Variants in SPAG7 observed in about 807,000 individuals in gnomAD.
SPAG7 encodes sperm associated antigen 7.
A neutral mutation model predicts 30.6 loss-of-function variants in SPAG7; 20 were observed. That is an observed-to-expected ratio of 0.65 (90% CI 0.46 to 0.95). The LOEUF is 0.95. Ranked by LOEUF, SPAG7 falls within the 40% of genes least tolerant of loss-of-function variation. The pLI is 0.00. For missense variants in SPAG7, 276 were observed against 291.1 expected (o/e 0.95, Z 0.38); for synonymous variants, 127 against 104.2 (o/e 1.22, Z -1.33).
Position 4,959,500 on chromosome 17 carries a change from T to C in SPAG7, c.*34A>G. 2 of 1,562,894 alleles carry C rather than the reference T, an allele frequency of 1.3e-6. No individual in the cohort carries two copies. Among genetic ancestry groups the C allele is most frequent in the Non-Finnish European group, 1.8e-6 (2 of 1,138,798 alleles). ...CCTTGTCTCTCCCTGCCCCCTGCCC[T>C]GCCCCAGGGGTCAAAGGGAGCTGGG... is the stretch of plus-strand genomic sequence containing the variant. On this transcript the variant is annotated 3_prime_UTR_variant, in exon 7 of 7. Coordinates refer to ENST00000206020, the MANE Select transcript of SPAG7 (RefSeq NM_004890.3).
At chr17:4,967,605 G>C in intron 1 of SPAG7, 115 bp downstream of exon 1, 1 of 794,550 alleles carries the variant, frequency 1.3e-6, no homozygotes, top group Non-Finnish European at 2.2e-6. Flanking sequence ...TGAGGGTCTC[G>C]GAAGGGGCCT....
At position 4,959,492 on chromosome 17, in the gene SPAG7, C is replaced by T. The variant is rs927093956; in HGVS notation, c.*42G>A. On this transcript the variant is annotated 3_prime_UTR_variant, in exon 7 of 7. Transcript: ENST00000206020. ...AGCAGCAGCCTTGTCTCTCCCTGCCCCCTGCCCTGCCCCAGGGGTCAAAGG... is the reference window on the plus strand; with the variant it reads ...AGCAGCAGCCTTGTCTCTCCCTGCCTCCTGCCCTGCCCCAGGGGTCAAAGG... 3 of 1,533,478 alleles carry T rather than the reference C, an allele frequency of 2.0e-6. No individual in the cohort carries two copies. The highest frequency in any genetic ancestry group is 1.1e-5 in the South Asian group (1 of 89,450). The allele number at this position is 1,533,478 out of a possible 1,614,324, so 95.0% of individuals were successfully genotyped here.
At chr17:4,966,633 G>A (rs906305632) in intron 1 of SPAG7, 2 of 985,086 alleles carry the variant, frequency 2.0e-6, no homozygotes, top group African/African-American at 1.8e-5. Flanking sequence ...CTGCAGATTG[G>A]GGGAGAACCT....
intron 1 of SPAG7, chr17:4,966,547 T>C (rs1971955746): frequency 4.1e-6 from 4 of 977,130 alleles, no homozygotes; most frequent in Non-Finnish European, 4.9e-6. Context: ...CTCAGAGATT[T>C]CAAATAGACT....
In SPAG7 at chr17:4,959,402, C is replaced by A. The variant is rs898706597; in HGVS notation, c.*132G>T. On this transcript the variant is annotated 3_prime_UTR_variant, in exon 7 of 7. Transcript: ENST00000206020. ...CGGTGACAAATCAAACACCTGTTTT[C>A]CCCCAGCCTGAGGGACAGCTGGTAG... 2.9e-6 allele frequency: 2 copies of A among 697,102 alleles called. No homozygotes were observed. Among genetic ancestry groups the A allele is most frequent in the Admixed American group, 2.4e-5 (1 of 42,256 alleles). The allele number at this position is 697,102 out of a possible 1,614,324, so 43.2% of individuals were successfully genotyped here. A position where few individuals can be genotyped will look rare whatever the true frequency, so the allele number is the denominator to read the frequency against.
chr17:4,962,514 C>G lies in SPAG7; in HGVS notation c.86-1661G>C, dbSNP rs371111719. 6.1e-4 allele frequency among the ~76,000 whole-genome samples: 93 copies of G among 152,262 alleles called. 2 individuals are homozygous for G. The highest frequency in any genetic ancestry group is 2.0e-3 in the African/African-American group (85 of 41,548). ...CCTTGACCTCCCTGGCTCAAGGGAT[C>G]CTCCTACCTTAGCTTCTCAAGTAGC... On this transcript the variant is annotated intron_variant, in intron 1 of 6. Transcript: ENST00000206020.
chr17:4,966,974 G>GCC, intron 1 of SPAG7: 1 of 985,540 alleles, frequency 1.0e-6, no homozygotes, highest in Non-Finnish European at 1.2e-6. Flanking sequence ...AACACGAGCA[G>GCC]CCCCGGGGAG....
chr17:4,962,280 A>G (rs1017567811), intron 1 of SPAG7, among the ~76,000 whole-genome samples: 3 of 150,782 alleles, frequency 2.0e-5, no homozygotes, highest in Non-Finnish European at 4.4e-5. Context: ...CACCCGGCTA[A>G]TTTTTGTATT....
Position 4,967,145 on chromosome 17 carries a change from G to A in SPAG7, c.85+575C>T, listed in dbSNP as rs147822996. 323 of 986,290 alleles carry A rather than the reference G, an allele frequency of 3.3e-4. No individual in the cohort carries two copies. In the African/African-American group the frequency reaches 5.5e-3, roughly 17 times the overall value. The allele number at this position is 986,290 out of a possible 1,614,324, so 61.1% of individuals were successfully genotyped here. ...CACTACGATCCGCCCGGGCAGCTCGGGAATTTAAGGCTACGGATGGGAAAA... is the reference window on the plus strand; with the variant it reads ...CACTACGATCCGCCCGGGCAGCTCGAGAATTTAAGGCTACGGATGGGAAAA... On this transcript the variant is annotated intron_variant, in intron 1 of 6. Transcript: ENST00000206020.
At chr17:4,967,284 G>A (rs989934984) in intron 1 of SPAG7, 3 of 961,284 alleles carry the variant, frequency 3.1e-6, no homozygotes, top group African/African-American at 3.5e-5. Context: ...TTCGAAGGAA[G>A]GTCGAACAGG....
At chr17:4,961,484 A>G (rs1971862438) in intron 1 of SPAG7, among the ~76,000 whole-genome samples, 1 of 145,530 alleles carries the variant, frequency 6.9e-6, no homozygotes, top group South Asian at 2.2e-4. Context: ...GGCCGGGTGC[A>G]GTGGCTCACA....
chr17:4,967,691 G>A (rs777906513), intron 1 of SPAG7, 29 bp downstream of exon 1: 1 of 1,564,284 alleles, frequency 6.4e-7, no homozygotes. Context: ...CCGGGCGAAG[G>A]AAGGCGGTTG....
intron 1 of SPAG7, among the ~76,000 whole-genome samples, chr17:4,963,451 A>ATTTTTT (rs35484038): frequency 3.6e-4 from 37 of 103,214 alleles, no homozygotes; most frequent in Admixed American, 4.6e-4. Flanking sequence ...GGAAAGGGGA[A>ATTTTTT]TTTTTTTTTT....
chr17:4,967,149 T>C (rs1007176002), intron 1 of SPAG7: 2 of 985,942 alleles, frequency 2.0e-6, no homozygotes, highest in African/African-American at 3.5e-5. Context: ...AGCTCGGGAA[T>C]TTAAGGCTAC....
chr17:4,962,502 G>A (rs1480683187), intron 1 of SPAG7, among the ~76,000 whole-genome samples: 1 of 152,168 alleles, frequency 6.6e-6, no homozygotes, highest in Non-Finnish European at 1.5e-5. Flanking sequence ...TGACCTCCCT[G>A]GCTCAAGGGA....
At position 4,960,386 on chromosome 17, in the gene SPAG7, G is replaced by A. The variant is rs929401545; in HGVS notation, c.243-68C>T. The A allele has an allele frequency of 1.6e-5, 25 of 1,599,718 alleles. No homozygotes were observed. The East Asian group carries it at 2.9e-4, about 19-fold the overall frequency. On this transcript the variant is annotated intron_variant, in intron 3 of 6. Coordinates refer to ENST00000206020, the MANE Select transcript of SPAG7 (RefSeq NM_004890.3). ...AGCGGGCCTAGTGCCCTCCTCTGGAGGAGCCCCCCGCTGGCCCTTTCATGC... is the reference window on the plus strand; with the variant it reads ...AGCGGGCCTAGTGCCCTCCTCTGGAAGAGCCCCCCGCTGGCCCTTTCATGC...
intron 1 of SPAG7, among the ~76,000 whole-genome samples, chr17:4,967,498 G>C (rs1316446412): frequency 1.3e-5 from 2 of 152,172 alleles, no homozygotes; most frequent in African/African-American, 4.8e-5. Context: ...GGAAGGCCAG[G>C]GTCGGGAGAA....
In SPAG7 at chr17:4,959,462, C is replaced by CT; in HGVS notation, c.*71dup. ...CAGAGGTGGGGCTCCAGGATGGGCT[C>CT]TAATAGCAGCAGCCTTGTCTCTCCC... On this transcript the variant is annotated 3_prime_UTR_variant, in exon 7 of 7. Coordinates refer to ENST00000206020, the MANE Select transcript of SPAG7 (RefSeq NM_004890.3). The CT allele has an allele frequency of 4.0e-6, 5 of 1,258,308 alleles. No individual in the cohort carries two copies. The highest frequency in any genetic ancestry group is 5.7e-6 in the Non-Finnish European group (5 of 872,466). The allele number at this position is 1,258,308 out of a possible 1,614,324, so 77.9% of individuals were successfully genotyped here.
intron 2 of SPAG7, 48 bp from the exon 3 acceptor site, chr17:4,960,595 A>C: frequency 6.7e-7 from 1 of 1,500,964 alleles, no homozygotes; most frequent in Non-Finnish European, 9.2e-7. Context: ...GCTCCACCCA[A>C]GTACCCCTCT....
Sources: gnomAD v4.1 joint callset for allele counts (sites outside exome capture counted in the v4.1 genomes callset) on GRCh38, gnomAD v4.1.1 for gene constraint, MANE v1.5 for transcripts, NCBI Gene and HGNC (gene_info 2026-07-23, HGNC 2026-07-21) for gene names.